The following ABCA13 variants were observed in gnomAD, a reference collection of about 807,000 sequenced individuals.
ABCA13 encodes ATP binding cassette subfamily A member 13.
Under a neutral mutation model 478.7 loss-of-function variants are expected in ABCA13, and 476 were observed. The observed-to-expected ratio is 0.99, with a 90% CI of 0.92 to 1.07. The LOEUF is 1.07. Ranked by LOEUF, ABCA13 falls within the 50% of genes least tolerant of loss-of-function variation. The probability of loss-of-function intolerance (pLI) is 0.00; values close to 1 mark genes in which losing one functional copy is unlikely to be tolerated. For synonymous variants in ABCA13, 2,252 were observed against 2,158.9 expected (o/e 1.04, Z -1.20); for missense variants, 6,060 against 5,910.6 (o/e 1.03, Z -0.83).
intron 5 of ABCA13, among the ~76,000 whole-genome samples, chr7:48,224,955 A>C (rs976804366): frequency 6.6e-6 from 1 of 152,086 alleles, no homozygotes; most frequent in Non-Finnish European, 1.5e-5. Context: ...CGGAGACAGG[A>C]GATATGGATT....
intron 55 of ABCA13, among the ~76,000 whole-genome samples, chr7:48,568,301 C>T (rs1787282040): frequency 6.6e-6 from 1 of 151,936 alleles, no homozygotes; most frequent in Non-Finnish European, 1.5e-5. Flanking sequence ...AAATTCTTTT[C>T]CTGTTTTATC....
intron 55 of ABCA13, among the ~76,000 whole-genome samples, chr7:48,572,163 G>C (rs984024497): frequency 5.9e-5 from 9 of 152,108 alleles, no homozygotes; most frequent in Non-Finnish European, 1.0e-4. Flanking sequence ...CTGGGTGATG[G>C]AGTGAAACTT....
rs372965391 is a variant in ABCA13, at chr7:48,629,392, G to C, written c.14838-13896G>C. ...CAGGTTTAAAATGTATCAGGATTGG[G>C]ATTTGGGAGAAGCTTTTCTTACTCT... On this transcript the variant is annotated intron_variant, in intron 59 of 61. Transcript: ENST00000435803. 5.0e-4 allele frequency among the ~76,000 whole-genome samples: 76 copies of C among 152,154 alleles called. 1 individual carries two copies. Among genetic ancestry groups the C allele is most frequent in the African/African-American group, 1.8e-3 (75 of 41,504 alleles).
intron 56 of ABCA13, among the ~76,000 whole-genome samples, chr7:48,583,279 A>T (rs1218069904): frequency 1.3e-5 from 2 of 152,212 alleles, no homozygotes; most frequent in African/African-American, 4.8e-5. Flanking sequence ...GCTAGAATTT[A>T]TAAGATAGTA....
At chr7:48,573,293 A>G in intron 55 of ABCA13, among the ~76,000 whole-genome samples, 1 of 151,900 alleles carries the variant, frequency 6.6e-6, no homozygotes. Context: ...TGATAACTCC[A>G]ATATCTATAT....
chr7:48,209,357 T>G lies in ABCA13; in HGVS notation c.288-9997T>G, dbSNP rs1277184478. The stretch of plus-strand genomic sequence containing the variant: ...TTTTTGTGTATATGTCTGGTTTTGG[T>G]ATCAGGGTAATACTGGCACTGCAGA... On this transcript the variant is annotated intron_variant, in intron 3 of 61. Transcript: ENST00000435803. Among the ~76,000 whole-genome samples, 5 of 152,242 alleles carry G rather than the reference T, an allele frequency of 3.3e-5. No individual in the cohort carries two copies. The East Asian group carries it at 9.6e-4, about 29-fold the overall frequency.
chr7:48,643,462 T>C, intron 60 of ABCA13, 69 bp downstream of exon 60: 4 of 1,382,068 alleles, frequency 2.9e-6, no homozygotes, highest in Non-Finnish European at 4.1e-6. Flanking sequence ...ACCTGTCTTT[T>C]TTTGTTTTTA....
chr7:48,394,462 C>T (rs1816538310), intron 38 of ABCA13, among the ~76,000 whole-genome samples: 1 of 152,162 alleles, frequency 6.6e-6, no homozygotes, highest in Non-Finnish European at 1.5e-5. Flanking sequence ...GAGCAGACTT[C>T]CTGAGCATTC....
chr7:48,311,476 T>G (rs1206841872), intron 24 of ABCA13, among the ~76,000 whole-genome samples: 2 of 152,200 alleles, frequency 1.3e-5, no homozygotes, highest in Admixed American at 1.3e-4. Context: ...GTTTGCCTTT[T>G]GGGAAACAGA....
intron 48 of ABCA13, among the ~76,000 whole-genome samples, chr7:48,495,954 A>G (rs1830236340): frequency 6.6e-6 from 1 of 152,112 alleles, no homozygotes; most frequent in African/African-American, 2.4e-5. Context: ...TGTTTACATA[A>G]TATATCTTTC....
At chr7:48,356,361 C>T (rs988070292) in intron 31 of ABCA13, among the ~76,000 whole-genome samples, 1 of 150,594 alleles carries the variant, frequency 6.6e-6, no homozygotes, top group Non-Finnish European at 1.5e-5. Flanking sequence ...TGGGAGGTGA[C>T]TTCTTCTTCT....
At chr7:48,202,233 A>T (rs137856601) in intron 3 of ABCA13, among the ~76,000 whole-genome samples, 1,922 of 152,262 alleles carry the variant, frequency 0.013, 17 homozygotes, top group Middle Eastern at 0.061. Flanking sequence ...CCCCACCCAC[A>T]TCCTGCTGAT....
intron 1 of ABCA13, among the ~76,000 whole-genome samples, chr7:48,177,637 C>A (rs766180906): frequency 6.6e-6 from 1 of 152,190 alleles, no homozygotes; most frequent in Admixed American, 6.5e-5. Context: ...ACATTTCTTG[C>A]GATTAGGCCA....
intron 23 of ABCA13, among the ~76,000 whole-genome samples, chr7:48,304,671 A>G (rs1255037893): frequency 3.3e-5 from 5 of 152,202 alleles, no homozygotes; most frequent in South Asian, 4.1e-4. Flanking sequence ...ATTGGGCACT[A>G]TGCTCACTAC....
At chr7:48,424,783 T>C (rs1821188332) in intron 41 of ABCA13, among the ~76,000 whole-genome samples, 1 of 152,198 alleles carries the variant, frequency 6.6e-6, no homozygotes, top group Non-Finnish European at 1.5e-5. Context: ...AGAATTATAA[T>C]GCAAAATAAC....
intron 55 of ABCA13, among the ~76,000 whole-genome samples, chr7:48,539,839 A>G (rs1164063940): frequency 1.3e-5 from 2 of 152,332 alleles, no homozygotes; most frequent in East Asian, 1.9e-4. Context: ...ACTAACTTAT[A>G]TGAAGAAAAT....
intron 13 of ABCA13, among the ~76,000 whole-genome samples, chr7:48,246,337 G>A (rs1237736409): frequency 2.8e-5 from 4 of 143,100 alleles, no homozygotes; most frequent in Non-Finnish European, 4.5e-5. Flanking sequence ...CACATGCTAA[G>A]AAAAGCAGAG....
rs1157255946 is a variant in ABCA13, at chr7:48,595,300, C to G, written c.14744+487C>G. 2.6e-5 allele frequency among the ~76,000 whole-genome samples: 4 copies of G among 152,184 alleles called. No individual in the cohort carries two copies. The East Asian group carries it at 7.7e-4, about 29-fold the overall frequency. On this transcript the variant is annotated intron_variant, in intron 58 of 61. Coordinates refer to ENST00000435803, the MANE Select transcript of ABCA13 (RefSeq NM_152701.5). ...AAACCATTGGCTTCTTTTTAACTTT[C>G]TAATACACTGTTCTAGCCCACAAAG...
chr7:48,245,430 C>T (rs1266321416), intron 11 of ABCA13, 82 bp from the exon 12 acceptor site: 8 of 1,020,970 alleles, frequency 7.8e-6, no homozygotes, highest in Non-Finnish European at 1.0e-5. Flanking sequence ...TTTTCAGGAT[C>T]CAGTTTATTG....
Sources: gnomAD v4.1 joint callset for allele counts (sites outside exome capture counted in the v4.1 genomes callset) on GRCh38, gnomAD v4.1.1 for gene constraint, MANE v1.5 for transcripts, NCBI Gene and HGNC (gene_info 2026-07-23, HGNC 2026-07-21) for gene names.